The following IFNAR2 variants were observed in gnomAD, a reference collection of about 807,000 sequenced individuals.
The protein encoded by IFNAR2 is interferon alpha and beta receptor subunit 2.
Under a neutral mutation model 49.4 loss-of-function variants are expected in IFNAR2, and 30 were observed. The observed-to-expected ratio is 0.61, with a 90% CI of 0.45 to 0.82. The LOEUF is 0.82. Ranked by LOEUF, IFNAR2 falls within the 40% of genes least tolerant of loss-of-function variation. IFNAR2 has a pLI of 0.00. For missense variants in IFNAR2, 600 were observed against 622.7 expected, an observed-to-expected ratio of 0.96 and a Z score of 0.39; for synonymous variants, 224 against 234.5, an observed-to-expected ratio of 0.96 and a Z score of 0.41.
At position 33,242,769 on chromosome 21, in the gene IFNAR2, GT is replaced by G. The variant is rs1987067136; in HGVS notation, c.55+793del. On this transcript the variant is annotated intron_variant, in intron 2 of 8. Coordinates refer to ENST00000342136, the MANE Select transcript of IFNAR2 (RefSeq NM_001289125.3). ...AAAAATCTCGTGTGCGTGTGTGTGT[GT>G]GTGTGTGTGTGTGTGTGTGTGTGTG... 9.2e-4 allele frequency among the ~76,000 whole-genome samples: 13 copies of G among 14,182 alleles called. 5 individuals are homozygous for G. The highest frequency in any genetic ancestry group is 1.9e-3 in the African/African-American group (3 of 1,556). The allele number at this position is 14,182 out of a possible 152,430, so 9.3% of individuals were successfully genotyped here. A position where few individuals can be genotyped will look rare whatever the true frequency, so the allele number is the denominator to read the frequency against.
chr21:33,263,302 G>A lies in IFNAR2; in HGVS notation c.1350G>A (p.Ser450=), dbSNP rs375233301. The A allele has an allele frequency of 1.1e-4, 184 of 1,613,988 alleles. No individual in the cohort carries two copies. The highest frequency in any genetic ancestry group is 9.9e-4 in the Middle Eastern group (6 of 6,084). ...ACTTAGAAGCCCCTCTGATGCTATC[G>A]TCTCATCTGGAAGAGATGGTTGACC... is the stretch of plus-strand genomic sequence containing the variant. ...SDDLEAPLML[S]SHLEEMVDPE... Residue 450 remains serine, a synonymous_variant, in exon 9 of 9, where the codon TCG becomes TCA. Coordinates refer to ENST00000342136, the MANE Select transcript of IFNAR2 (RefSeq NM_001289125.3).
chr21:33,257,859 C>A lies in IFNAR2; in HGVS notation c.710-2738C>A, dbSNP rs139750077. On this transcript the variant is annotated intron_variant, in intron 7 of 8. Transcript: ENST00000342136. ...ACCCACAGCATCCACCACAGATGGC[C>A]ACAGATGGCCTTCCTGAGAAGGTAG... Among the ~76,000 whole-genome samples the A allele has an allele frequency of 7.0e-3, 1,064 of 152,254 alleles. 16 individuals are homozygous for A. The highest frequency in any genetic ancestry group is 0.024 in the African/African-American group (1,005 of 41,540).
intron 1 of IFNAR2, 94 bp from the exon 2 acceptor site, chr21:33,241,746 C>G: frequency 1.2e-6 from 1 of 845,012 alleles, no homozygotes; most frequent in Non-Finnish European, 1.7e-6. Flanking sequence ...TGAGACCAGG[C>G]TCACTTGAAT....
rs1252603718 is a variant in IFNAR2, at chr21:33,230,049, C to G, written c.-251C>G. ...CGAACAGTTCCCCGAGCGCAGCCCG[C>G]GGACCACCACCCGGCCGCACGGGCC... On this transcript the variant is annotated 5_prime_UTR_variant, in exon 1 of 9. Coordinates refer to ENST00000342136, the MANE Select transcript of IFNAR2 (RefSeq NM_001289125.3). The surrounding 1 kb of genome is among the most constrained non-coding windows in gnomAD (Gnocchi z 5.5). The G allele has an allele frequency of 3.0e-6, 3 of 986,010 alleles. No individual in the cohort carries two copies. Among genetic ancestry groups the G allele is most frequent in the Non-Finnish European group, 3.6e-6 (3 of 830,092 alleles). 61.1% of individuals were successfully genotyped at this position (986,010 alleles called of 1,614,324 possible). A position where few individuals can be genotyped will look rare whatever the true frequency, so the allele number is the denominator to read the frequency against.
intron 7 of IFNAR2, among the ~76,000 whole-genome samples, chr21:33,258,546 TTAATA>T (rs1328304464): frequency 1.4e-4 from 21 of 152,226 alleles, no homozygotes; most frequent in Non-Finnish European, 2.1e-4. Flanking sequence ...TCCAGAACTA[TTAATA>T]TAATATATTT....
At chr21:33,245,141 C>T (rs1312916923) in intron 4 of IFNAR2, 67 bp downstream of exon 4, 7 of 1,166,460 alleles carry the variant, frequency 6.0e-6, no homozygotes, top group South Asian at 1.3e-5. Flanking sequence ...GAGAGGTGAT[C>T]TTTTCTCTCT....
chr21:33,240,061 T>G (rs955439415), intron 1 of IFNAR2, among the ~76,000 whole-genome samples: 23 of 151,876 alleles, frequency 1.5e-4, no homozygotes, highest in African/African-American at 4.8e-4. Flanking sequence ...GTCTCCCTTC[T>G]GGGCCCCAGA....
chr21:33,250,032 G>C (rs1202552509), intron 6 of IFNAR2, among the ~76,000 whole-genome samples: 1 of 152,136 alleles, frequency 6.6e-6, no homozygotes, highest in African/African-American at 2.4e-5. Context: ...TGGCTGGGCT[G>C]TTAAAAATAG....
chr21:33,248,879 CA>C, intron 6 of IFNAR2, 25 bp downstream of exon 6: 1 of 1,536,304 alleles, frequency 6.5e-7, no homozygotes, highest in Non-Finnish European at 8.8e-7. Flanking sequence ...CTGTTAGGAT[CA>C]AAACAGTTCT....
At chr21:33,236,929 C>T in intron 1 of IFNAR2, 2 of 968,796 alleles carry the variant, frequency 2.1e-6, no homozygotes, top group South Asian at 9.6e-5. Context: ...TTAAGGAGCT[C>T]CATTAACAAT....
At chr21:33,247,084 T>C (rs1987478822) in intron 5 of IFNAR2, among the ~76,000 whole-genome samples, 194 bp downstream of exon 5, 1 of 152,136 alleles carries the variant, frequency 6.6e-6, no homozygotes, top group Non-Finnish European at 1.5e-5. Flanking sequence ...ATCTGAAAAG[T>C]GGAATGATAA....
intron 1 of IFNAR2, among the ~76,000 whole-genome samples, chr21:33,232,389 A>C (rs1986126905): frequency 6.6e-6 from 1 of 152,102 alleles, no homozygotes; most frequent in Non-Finnish European, 1.5e-5. Flanking sequence ...GGAGGGAAAA[A>C]GAGAGGTATG....
intron 6 of IFNAR2, among the ~76,000 whole-genome samples, chr21:33,250,868 G>A (rs1987789539): frequency 1.3e-5 from 2 of 152,176 alleles, no homozygotes; most frequent in South Asian, 2.1e-4. Context: ...TGCATGTGGA[G>A]CAAGACTAAC....
chr21:33,249,006 T>C (rs1286357281), intron 6 of IFNAR2, 152 bp downstream of exon 6: 1 of 624,406 alleles, frequency 1.6e-6, no homozygotes. Context: ...GTCACTATGG[T>C]TCATTCACTA....
intron 7 of IFNAR2, among the ~76,000 whole-genome samples, chr21:33,258,876 T>G (rs955575934): frequency 1.3e-5 from 2 of 152,078 alleles, no homozygotes; most frequent in Non-Finnish European, 2.9e-5. Context: ...TGACGTGGGA[T>G]GTAAAGGGAA....
intron 1 of IFNAR2, among the ~76,000 whole-genome samples, chr21:33,240,833 C>CAT (rs1368499861): frequency 3.3e-5 from 5 of 149,900 alleles, no homozygotes; most frequent in South Asian, 4.3e-4. Flanking sequence ...AAAAAAGTTA[C>CAT]ATATATATAC....
chr21:33,236,766 G>C, intron 1 of IFNAR2: 3 of 984,944 alleles, frequency 3.0e-6, no homozygotes, highest in Non-Finnish European at 3.6e-6. Flanking sequence ...CACATTGAAA[G>C]ATAAAATGGT....
chr21:33,252,349 G>C lies in IFNAR2; in HGVS notation c.541-313G>C. On this transcript the variant is annotated intron_variant, in intron 6 of 8. Transcript: ENST00000342136. ...TAGACACACACTGTCCATGAGAGAA[G>C]ATAATCTTGTAAAAATGACGTCACA... 2 of 733,598 alleles carry C rather than the reference G, an allele frequency of 2.7e-6. 1 individual carries two copies. The highest frequency in any genetic ancestry group is 3.9e-6 in the Non-Finnish European group (2 of 514,208). 45.4% of individuals were successfully genotyped at this position (733,598 alleles called of 1,614,324 possible).
chr21:33,260,175 G>A (rs1988468000), intron 7 of IFNAR2, among the ~76,000 whole-genome samples: 1 of 152,192 alleles, frequency 6.6e-6, no homozygotes, highest in African/African-American at 2.4e-5. Context: ...GAATGACCCA[G>A]TTGGTTGTTT....
Sources: gnomAD v4.1 joint callset for allele counts (sites outside exome capture counted in the v4.1 genomes callset) on GRCh38, gnomAD v4.1.1 for gene constraint, Gnocchi (gnomAD v3.1) non-coding constraint, MANE v1.5 for transcripts, NCBI Gene and HGNC (gene_info 2026-07-23, HGNC 2026-07-21) for gene names.